The following FKBP5 variants were observed in gnomAD, a reference collection of about 807,000 sequenced individuals.
The protein encoded by FKBP5 is FKBP prolyl isomerase 5, also known as peptidyl-prolyl cis-trans isomerase FKBP5.
FKBP5 carries 23 observed loss-of-function variants against 50.5 expected under a neutral mutation model. That is an observed-to-expected ratio of 0.46 (90% CI 0.33 to 0.65). FKBP5 has a LOEUF of 0.65. Ranked by LOEUF, FKBP5 falls within the 30% of genes least tolerant of loss-of-function variation. FKBP5 has a pLI of 0.02. For synonymous variants in FKBP5, 176 were observed against 190.6 expected (o/e 0.92, Z 0.63); for missense variants, 411 against 553.1 (o/e 0.74, Z 2.58).
chr6:35,576,919 T>C, intron 10 of FKBP5, 75 bp downstream of exon 10: 2 of 1,543,552 alleles, frequency 1.3e-6, no homozygotes, highest in Non-Finnish European at 8.8e-7. Flanking sequence ...GTTGTTTAGC[T>C]GTTCCTGTCC....
intron 5 of FKBP5, among the ~76,000 whole-genome samples, chr6:35,616,379 G>C (rs1763659999): frequency 7.1e-6 from 1 of 141,684 alleles, no homozygotes; most frequent in African/African-American, 2.6e-5. Flanking sequence ...TCTTAGACCA[G>C]AAAACGACAG....
intron 1 of FKBP5, among the ~76,000 whole-genome samples, chr6:35,685,982 C>CAAA (rs60786619): frequency 3.7e-3 from 171 of 46,080 alleles, no homozygotes; most frequent in African/African-American, 9.9e-3. Context: ...AACGCCATCT[C>CAAA]AAAAAAAAAA....
At chr6:35,612,366 G>T (rs1763517106) in intron 5 of FKBP5, among the ~76,000 whole-genome samples, 1 of 152,070 alleles carries the variant, frequency 6.6e-6, no homozygotes, top group Non-Finnish European at 1.5e-5. Flanking sequence ...CTCCAGCCTG[G>T]CCCACTGCAC....
intron 1 of FKBP5, among the ~76,000 whole-genome samples, chr6:35,682,915 A>AG (rs1212819077): frequency 2.0e-5 from 3 of 150,702 alleles, no homozygotes; most frequent in African/African-American, 7.3e-5. Flanking sequence ...TAAAAAAAAA[A>AG]AAAAAGAAAA....
At chr6:35,590,661 C>T (rs919414944) in intron 7 of FKBP5, among the ~76,000 whole-genome samples, 4 of 152,046 alleles carry the variant, frequency 2.6e-5, no homozygotes, top group African/African-American at 7.2e-5. Context: ...TAGTGGCCCT[C>T]GAGGACTTGC....
chr6:35,696,144 C>CAA lies in FKBP5; in HGVS notation c.-20+24182_-20+24183dup, dbSNP rs60390656. 5.9e-3 allele frequency among the ~76,000 whole-genome samples: 383 copies of CAA among 64,394 alleles called. 2 individuals carry two copies. The highest frequency in any genetic ancestry group is 9.6e-3 in the Middle Eastern group (1 of 104). The allele number at this position is 64,394 out of a possible 152,430, so 42.2% of individuals were successfully genotyped here. A position where few individuals can be genotyped will look rare whatever the true frequency, so the allele number is the denominator to read the frequency against. ...TGGGCGACAGTGTGAGACTCTGTCT[C>CAA]AAAAAAAAAAAAAAAAAAAAGACAG... On this transcript the variant is annotated intron_variant, in intron 2 of 11. Transcript: ENST00000536438.
intron 1 of FKBP5, among the ~76,000 whole-genome samples, chr6:35,655,562 T>C (rs1267970344): frequency 6.6e-6 from 1 of 152,182 alleles, no homozygotes; most frequent in Non-Finnish European, 1.5e-5. Flanking sequence ...ATGTGTCCTA[T>C]TCATTTTGTA....
chr6:35,597,033 C>T (rs1311283977), intron 6 of FKBP5, among the ~76,000 whole-genome samples: 1 of 152,166 alleles, frequency 6.6e-6, no homozygotes, highest in Non-Finnish European at 1.5e-5. Flanking sequence ...GCTGTAAGAC[C>T]TGTTCTGAAC....
intron 1 of FKBP5, among the ~76,000 whole-genome samples, chr6:35,678,583 T>A (rs1765585436): frequency 6.6e-6 from 1 of 152,216 alleles, no homozygotes. Context: ...CTTCTTTTTC[T>A]TTTCCAGGCT....
At chr6:35,594,249 G>A (rs930692800) in intron 6 of FKBP5, among the ~76,000 whole-genome samples, 3 of 151,892 alleles carry the variant, frequency 2.0e-5, no homozygotes, top group African/African-American at 7.3e-5. Context: ...AGCTACCCAG[G>A]AGCTTGAGGT....
rs73417648 is a variant in FKBP5, at chr6:35,611,937, A to G, written c.508+7159T>C. ...AAAACCTTTTTGAGTCCATAATGTT[A>G]TTCTTTCCCCGGAACCTTGAGAAAT... On this transcript the variant is annotated intron_variant, in intron 5 of 10. Coordinates refer to ENST00000357266, the MANE Select transcript of FKBP5 (RefSeq NM_004117.4). Among the ~76,000 whole-genome samples, 729 of 152,340 alleles carry G rather than the reference A, an allele frequency of 4.8e-3. 4 individuals carry two copies. The highest frequency in any genetic ancestry group is 0.017 in the African/African-American group (697 of 41,570).
rs1437972268 is a variant in FKBP5 at position 35,574,547 on chromosome 6, CTGGCTGTG to C, written c.*1280_*1287del. 1 of 152,250 alleles carries C rather than the reference CTGGCTGTG, an allele frequency of 6.6e-6. No homozygotes were observed. Among genetic ancestry groups the C allele is most frequent in the African/African-American group, 2.4e-5 (1 of 41,440 alleles). The allele number at this position is 152,250 out of a possible 1,614,324, so 9.4% of individuals were successfully genotyped here. A position where few individuals can be genotyped will look rare whatever the true frequency, so the allele number is the denominator to read the frequency against. On this transcript the variant is annotated 3_prime_UTR_variant, in exon 11 of 11. Coordinates refer to ENST00000357266, the MANE Select transcript of FKBP5 (RefSeq NM_004117.4). ...GCTCAAGTACTGGAGATTTAGGCTA[CTGGCTGTG>C]TACCGGCATGGGAAGCTGTCTTCAA...
chr6:35,606,570 G>A (rs1763323682), intron 5 of FKBP5, among the ~76,000 whole-genome samples: 1 of 145,358 alleles, frequency 6.9e-6, no homozygotes, highest in Non-Finnish European at 1.5e-5. Context: ...TGAGGCAGGA[G>A]AATGGCGTGA....
intron 1 of FKBP5, among the ~76,000 whole-genome samples, chr6:35,727,713 G>A (rs1012970560): frequency 6.6e-6 from 1 of 152,218 alleles, no homozygotes; most frequent in Non-Finnish European, 1.5e-5. Flanking sequence ...TGGGGCTGGC[G>A]AGCTCCAGCT....
intron 3 of FKBP5, among the ~76,000 whole-genome samples, chr6:35,635,424 C>T (rs1326957630): frequency 6.6e-6 from 1 of 151,952 alleles, no homozygotes; most frequent in African/African-American, 2.4e-5. Flanking sequence ...GTGAGCCGGC[C>T]CGGGTGACAG....
chr6:35,710,588 G>A (rs1465255705), intron 2 of FKBP5, among the ~76,000 whole-genome samples: 1 of 152,202 alleles, frequency 6.6e-6, no homozygotes, highest in Admixed American at 6.5e-5. Context: ...ACACAGTTTA[G>A]CAGTTTTCTT....
chr6:35,679,241 A>G (rs1480667376), intron 1 of FKBP5, among the ~76,000 whole-genome samples: 3 of 152,256 alleles, frequency 2.0e-5, no homozygotes, highest in Non-Finnish European at 2.9e-5. Flanking sequence ...TCATAATAAA[A>G]AGTCTAAAAA....
intron 5 of FKBP5, among the ~76,000 whole-genome samples, chr6:35,616,713 G>C (rs1763671699): frequency 6.6e-6 from 1 of 152,024 alleles, no homozygotes; most frequent in South Asian, 2.1e-4. Context: ...ATTGGGAAAA[G>C]TTTTTCCTCT....
At chr6:35,588,011 TTTATTATTA>T (rs894880538) in intron 7 of FKBP5, among the ~76,000 whole-genome samples, 9 of 150,702 alleles carry the variant, frequency 6.0e-5, no homozygotes, top group Non-Finnish European at 1.0e-4. Context: ...ATCCTCTACT[TTTATTATTA>T]TTATTATTAT....
Sources: gnomAD v4.1 joint callset for allele counts (sites outside exome capture counted in the v4.1 genomes callset) on GRCh38, gnomAD v4.1.1 for gene constraint, MANE v1.5 for transcripts, NCBI Gene and HGNC (gene_info 2026-07-23, HGNC 2026-07-21) for gene names.